Variants in TBC1D14 observed in about 807,000 individuals in gnomAD.
TBC1D14 encodes the protein TBC1 domain family, member 14.
TBC1D14 carries 26 observed loss-of-function variants against 79.0 expected under a neutral mutation model. The ratio of observed to expected loss-of-function variants is 0.33; its 90% CI spans 0.24 to 0.46. The LOEUF (loss-of-function observed/expected upper bound fraction) is 0.46, where lower values mean the gene tolerates loss of function less well. TBC1D14 is among the 20% of genes least tolerant of loss of function. The pLI is 1.00. For missense variants in TBC1D14, 769 were observed against 887.6 expected, an observed-to-expected ratio of 0.87 and a Z score of 1.70; for synonymous variants, 394 against 349.9, an observed-to-expected ratio of 1.13 and a Z score of -1.40.
chr4:6,983,356 C>G (rs970612752), intron 3 of TBC1D14, among the ~76,000 whole-genome samples: 2 of 152,104 alleles, frequency 1.3e-5, no homozygotes, highest in African/African-American at 4.8e-5. Context: ...CAAGATGAAA[C>G]CAGACGTAAG....
At chr4:6,932,095 C>T (rs575542383) in intron 2 of TBC1D14, among the ~76,000 whole-genome samples, 1 of 152,066 alleles carries the variant, frequency 6.6e-6, no homozygotes, top group Non-Finnish European at 1.5e-5. Context: ...GCGGGTGGCT[C>T]ACGCCTGTAA....
intron 2 of TBC1D14, among the ~76,000 whole-genome samples, chr4:6,949,819 T>C (rs1713859079): frequency 6.6e-6 from 1 of 152,104 alleles, no homozygotes; most frequent in Admixed American, 6.6e-5. Flanking sequence ...TCCTGGATAC[T>C]GTTTGGGATG....
At chr4:6,924,859 G>A (rs557167592) in intron 2 of TBC1D14, among the ~76,000 whole-genome samples, 16 of 152,184 alleles carry the variant, frequency 1.1e-4, no homozygotes, top group Non-Finnish European at 1.5e-4. Flanking sequence ...TGAGAGAAAC[G>A]ATGTTGGGTC....
At position 7,002,533 on chromosome 4, in the gene TBC1D14, A is replaced by G. The variant is rs184128243; in HGVS notation, c.1270+1282A>G. Among the ~76,000 whole-genome samples the G allele has an allele frequency of 1.4e-4, 21 of 152,316 alleles. No homozygotes were observed. The East Asian group carries it at 3.5e-3, about 25-fold the overall frequency. ...TTACATGTTTAGACATGAGTCTTAG[A>G]CATTTATCCAAACCTTGGTATTGGC... On this transcript the variant is annotated intron_variant, in intron 7 of 13. Transcript: ENST00000409757.
chr4:7,029,622 C>T (rs1266822564), intron 13 of TBC1D14, among the ~76,000 whole-genome samples: 1 of 152,180 alleles, frequency 6.6e-6, no homozygotes, highest in African/African-American at 2.4e-5. Flanking sequence ...GTCAGGAGTT[C>T]GAGACCATTC....
rs1723156972 is a variant in TBC1D14, at chr4:7,032,529, C to T, written c.*2137C>T. 6.6e-6 allele frequency: 1 copy of T among 152,440 alleles called. No individual in the cohort carries two copies. The highest frequency in any genetic ancestry group is 6.5e-5 in the Admixed American group (1 of 15,280). 9.4% of individuals were successfully genotyped at this position (152,440 alleles called of 1,614,324 possible). On this transcript the variant is annotated 3_prime_UTR_variant, in exon 14 of 14. Transcript: ENST00000409757. The stretch of plus-strand genomic sequence containing the variant: ...ATGTATTCCGCTTCTGAACAGGATC[C>T]CATGCCAGTGTGGAACACCTTCCCA...
chr4:6,954,534 C>T (rs1389577336), intron 2 of TBC1D14, among the ~76,000 whole-genome samples: 1 of 152,198 alleles, frequency 6.6e-6, no homozygotes, highest in Non-Finnish European at 1.5e-5. Context: ...CCCGAGCTCC[C>T]TGGGCTGGTG....
In TBC1D14 at chr4:6,951,301, AAAC is replaced by A. The variant is rs574050167; in HGVS notation, c.723-15983_723-15981del. On this transcript the variant is annotated intron_variant, in intron 2 of 13. Coordinates refer to ENST00000409757, the MANE Select transcript of TBC1D14 (RefSeq NM_020773.3). ...AGCAAGACTGCATCTCAAAAAAAAT[AAAC>A]AACAACAACAACAACAACATAAAAA... Among the ~76,000 whole-genome samples the A allele has an allele frequency of 4.4e-3, 670 of 152,126 alleles. 5 individuals are homozygous for A. The highest frequency in any genetic ancestry group is 0.014 in the African/African-American group (586 of 41,476).
intron 2 of TBC1D14, chr4:6,954,382 A>G (rs1560278193): frequency 4.2e-6 from 3 of 717,300 alleles, no homozygotes; most frequent in Non-Finnish European, 7.8e-6. Context: ...GGAACTGGAG[A>G]CTTAACTGGA....
intron 1 of TBC1D14, among the ~76,000 whole-genome samples, chr4:6,918,995 C>T (rs1723617302): frequency 6.6e-6 from 1 of 152,132 alleles, no homozygotes; most frequent in Non-Finnish European, 1.5e-5. Flanking sequence ...CCTTGGAGGG[C>T]TCACGGCTCT....
rs574879334 is a variant in TBC1D14 at position 6,945,607 on chromosome 4, G to A, written c.722+21496G>A. Among the ~76,000 whole-genome samples, 16 of 152,182 alleles carry A rather than the reference G, an allele frequency of 1.1e-4. No individual in the cohort carries two copies. In the South Asian group the frequency reaches 3.1e-3, roughly 30 times the overall value. On this transcript the variant is annotated intron_variant, in intron 2 of 13. Transcript: ENST00000409757. ...CTACTAAAAATGCAAAATTAGCCGA[G>A]CGTGGTGGCAACGCGCCTGTAATCC...
At chr4:6,984,990 C>T (rs1006139612) in intron 3 of TBC1D14, among the ~76,000 whole-genome samples, 3 of 152,188 alleles carry the variant, frequency 2.0e-5, no homozygotes, top group East Asian at 1.9e-4. Context: ...AGAAAAGCCC[C>T]TGGGAGCTTT....
Position 7,028,199 on chromosome 4 carries a change from GGTCA to G in TBC1D14, c.2017-2124_2017-2121del, listed in dbSNP as rs150285962. On this transcript the variant is annotated intron_variant, in intron 13 of 13. Transcript: ENST00000409757. ...ACATACACACCCACGTACAGGTGCA[GGTCA>G]GTCCCTGCGCATCCACATACTGCAC... Among the ~76,000 whole-genome samples the G allele has an allele frequency of 1.8e-3, 278 of 152,004 alleles. 7 individuals carry two copies. The East Asian group carries it at 0.043, about 24-fold the overall frequency.
At chr4:6,974,291 G>A (rs1402857654) in intron 3 of TBC1D14, among the ~76,000 whole-genome samples, 1 of 151,992 alleles carries the variant, frequency 6.6e-6, no homozygotes, top group South Asian at 2.1e-4. Flanking sequence ...TGAACCCCCC[G>A]ATGCTTTATT....
chr4:6,920,276 C>G (rs978555182), intron 1 of TBC1D14, among the ~76,000 whole-genome samples: 4 of 150,346 alleles, frequency 2.7e-5, no homozygotes, highest in African/African-American at 9.8e-5. Context: ...CCCTTTCTCT[C>G]CTTTGTTTTT....
chr4:6,943,659 C>T (rs1713131706), intron 2 of TBC1D14, among the ~76,000 whole-genome samples: 1 of 152,196 alleles, frequency 6.6e-6, no homozygotes, highest in Non-Finnish European at 1.5e-5. Flanking sequence ...CAACCTCTCC[C>T]AGACCTCTAA....
At chr4:6,920,541 G>A (rs572693082) in intron 1 of TBC1D14, among the ~76,000 whole-genome samples, 1 of 152,142 alleles carries the variant, frequency 6.6e-6, no homozygotes. Context: ...AAAAGCTGAC[G>A]CCCAAGCAGG....
intron 3 of TBC1D14, among the ~76,000 whole-genome samples, chr4:6,977,123 C>CCACGGTCTCCCTCTCCA (rs1716809925): frequency 1.1e-5 from 1 of 93,426 alleles, no homozygotes; most frequent in Non-Finnish European, 2.3e-5. Flanking sequence ...CTCCCTCTCC[C>CCACGGTCTCCCTCTCCA]CACGGTCTCC....
intron 9 of TBC1D14, among the ~76,000 whole-genome samples, chr4:7,009,128 A>G (rs1015815459): frequency 6.6e-6 from 1 of 152,160 alleles, no homozygotes; most frequent in African/African-American, 2.4e-5. Flanking sequence ...ATCTCTCACC[A>G]TGTGTGATTT....
Sources: gnomAD v4.1 joint callset for allele counts (sites outside exome capture counted in the v4.1 genomes callset) on GRCh38, gnomAD v4.1.1 for gene constraint, MANE v1.5 for transcripts, NCBI Gene and HGNC (gene_info 2026-07-23, HGNC 2026-07-21) for gene names.